The following MRC2 variants were observed in gnomAD, a reference collection of about 807,000 sequenced individuals.
MRC2 encodes C-type mannose receptor 2.
In MRC2, 84 loss-of-function variants were observed where a neutral mutation model predicts 206.2. That is an observed-to-expected ratio of 0.41 (90% CI 0.34 to 0.49). The LOEUF (loss-of-function observed/expected upper bound fraction) is 0.49. Ranked by LOEUF, MRC2 falls within the 20% of genes least tolerant of loss-of-function variation. The pLI, the probability that MRC2 is intolerant of heterozygous loss-of-function variation, is 0.31. For missense variants in MRC2, 1,676 were observed against 2,001.5 expected (o/e 0.84, Z 3.10); for synonymous variants, 798 against 800.0 (o/e 1.00, Z 0.04).
At chr17:62,651,391 CTT>C (rs1256075514) in intron 1 of MRC2, among the ~76,000 whole-genome samples, 1 of 151,248 alleles carries the variant, frequency 6.6e-6, no homozygotes, top group East Asian at 2.0e-4. Flanking sequence ...CGACAAACAT[CTT>C]TCACAAGCTC....
At position 62,692,767 on chromosome 17, in the gene MRC2, GC is replaced by G; in HGVS notation, c.*321del. On this transcript the variant is annotated 3_prime_UTR_variant, in exon 30 of 30. Transcript: ENST00000303375. This position sits in a 1 kb window ranked among gnomAD's most constrained non-coding sequence, Gnocchi z 4.2. ...GAACGAGAGCCTCTTTCTCCCCAGA[GC>G]CCCCGGCCCAGGCCTGTTGATCCGC... 1.5e-5 allele frequency: 5 copies of G among 333,620 alleles called. No individual in the cohort carries two copies. The highest frequency in any genetic ancestry group is 7.1e-5 in the South Asian group (2 of 28,338). 20.7% of individuals were successfully genotyped at this position (333,620 alleles called of 1,614,324 possible). A position where few individuals can be genotyped will look rare whatever the true frequency, so the allele number is the denominator to read the frequency against.
intron 1 of MRC2, among the ~76,000 whole-genome samples, chr17:62,640,558 TGCAC>T (rs1382281859): frequency 6.6e-6 from 1 of 152,136 alleles, no homozygotes; most frequent in Non-Finnish European, 1.5e-5. Context: ...CTCGCTCTGT[TGCAC>T]AAGCTGGAAT....
intron 20 of MRC2, among the ~76,000 whole-genome samples, chr17:62,686,143 G>C (rs1331656048): frequency 6.6e-6 from 1 of 152,104 alleles, no homozygotes; most frequent in Non-Finnish European, 1.5e-5. Flanking sequence ...TGCAATTCAC[G>C]GTAGGGTTCG....
chr17:62,678,779 TCTG>T, intron 13 of MRC2, 133 bp downstream of exon 13: 1 of 1,302,146 alleles, frequency 7.7e-7, no homozygotes, highest in Non-Finnish European at 1.1e-6. Context: ...GAGGCCTGCA[TCTG>T]CTGCTGGTGC....
intron 20 of MRC2, among the ~76,000 whole-genome samples, chr17:62,685,165 C>CA (rs1261928797): frequency 0.012 from 308 of 25,422 alleles, 2 homozygotes; most frequent in African/African-American, 0.016. Flanking sequence ...ACAAAAACCA[C>CA]ACAAAAAAAA....
Position 62,682,272 on chromosome 17 carries a change from C to T in MRC2, c.2841C>T (p.Pro947=), listed in dbSNP as rs1402254559. The part of the protein sequence containing the change: ...WGDQRCLTAL[P]YICKRSNVTK... Reference sequence around the variant, plus strand: ...ACCAGAGGTGCCTGACAGCCTTGCCCTACATCTGCAAGCGCAGCAACGTCA... The same window carrying T: ...ACCAGAGGTGCCTGACAGCCTTGCCTTACATCTGCAAGCGCAGCAACGTCA... Residue 947 remains proline (P), a synonymous_variant, in exon 20 of 30, where the codon CCC becomes CCT. Coordinates refer to ENST00000303375, the MANE Select transcript of MRC2 (RefSeq NM_006039.5). The T allele has an allele frequency of 6.2e-7, 1 of 1,603,332 alleles. No homozygotes were observed.
chr17:62,656,107 T>C (rs2088616350), intron 1 of MRC2, among the ~76,000 whole-genome samples: 3 of 152,112 alleles, frequency 2.0e-5, no homozygotes, highest in African/African-American at 7.2e-5. Context: ...AGTACAGTGG[T>C]GCAATCTCAG....
At chr17:62,654,195 C>T (rs963429570) in intron 1 of MRC2, among the ~76,000 whole-genome samples, 2 of 152,050 alleles carry the variant, frequency 1.3e-5, no homozygotes, top group Non-Finnish European at 2.9e-5. Context: ...TGGAGGCCAC[C>T]CTGCCATGCC....
intron 2 of MRC2, among the ~76,000 whole-genome samples, chr17:62,665,543 A>G (rs776602933): frequency 2.6e-5 from 4 of 152,226 alleles, no homozygotes; most frequent in Non-Finnish European, 4.4e-5. Context: ...ATAAAATTAA[A>G]TGAAAATTCC....
At chr17:62,683,209 C>T (rs2088991369) in intron 20 of MRC2, among the ~76,000 whole-genome samples, 1 of 152,006 alleles carries the variant, frequency 6.6e-6, no homozygotes, top group South Asian at 2.1e-4. Flanking sequence ...TGGGTCATGC[C>T]TGTAATCCCA....
At chr17:62,673,657 C>A (rs373018708) in intron 8 of MRC2, among the ~76,000 whole-genome samples, 3 of 151,924 alleles carry the variant, frequency 2.0e-5, no homozygotes, top group Admixed American at 6.6e-5. Flanking sequence ...TACAGGCATG[C>A]ACCACCACAA....
rs138715664 is a variant in MRC2, at chr17:62,671,678, G to C, written c.1147G>C (p.Glu383Gln). 4 of 1,601,518 alleles carry C rather than the reference G, an allele frequency of 2.5e-6. No homozygotes were observed. The South Asian group carries it at 3.4e-5, about 14-fold the overall frequency. Residue 383 changes from glutamate to glutamine, a missense_variant, in exon 7 of 30, where the codon GAG becomes CAG. Physicochemically the swap from Glu to Gln is conservative, Grantham distance 29. This residue lies in a region of MRC2 where 1,354 missense variants were observed against 1,636.6 expected (regional missense o/e 0.83). Coordinates refer to ENST00000303375, the MANE Select transcript of MRC2 (RefSeq NM_006039.5). This position sits in a 1 kb window ranked among gnomAD's most constrained non-coding sequence, Gnocchi z 4.5. ...DRWANVKVEC[E>Q]PSWQPFQGHC... ...GTGGGCCAATGTGAAGGTGGAGTGC[G>C]AGCCGAGCTGGCAGCCCTTCCAGGG...
chr17:62,670,107 A>C (rs1598986306), intron 6 of MRC2, among the ~76,000 whole-genome samples: 2 of 152,298 alleles, frequency 1.3e-5, no homozygotes, highest in East Asian at 3.9e-4. Flanking sequence ...GGACCTGCAG[A>C]CAGATGTAAG....
intron 6 of MRC2, among the ~76,000 whole-genome samples, chr17:62,668,234 CCTGT>C: frequency 6.6e-6 from 1 of 151,920 alleles, no homozygotes; most frequent in Middle Eastern, 3.4e-3. Context: ...GTGATGCACG[CCTGT>C]CTACTAGGGA....
chr17:62,679,238 A>T (rs760638484), intron 13 of MRC2, among the ~76,000 whole-genome samples: 10 of 152,180 alleles, frequency 6.6e-5, no homozygotes, highest in Non-Finnish European at 1.3e-4. Context: ...CATTGAAATT[A>T]CATTATTTGT....
In MRC2 at chr17:62,691,059, A is replaced by C. The variant is rs769130812; in HGVS notation, c.4123A>C (p.Asn1375His). Reference sequence around the variant, plus strand: ...CAACAGCTGCTACTGGATTCAGAGCAACAGCGGGCTATGGCGCCCCGGCGC... The same window carrying C: ...CAACAGCTGCTACTGGATTCAGAGCCACAGCGGGCTATGGCGCCCCGGCGC... ...SHNSCYWIQSNSGLWRPGACT... is the reference protein window; with the variant it reads ...SHNSCYWIQSHSGLWRPGACT... Residue 1375 changes from asparagine to histidine, a missense_variant, in exon 28 of 30, where the codon AAC becomes CAC. By Grantham distance (68) the Asn-to-His change is moderately conservative. This residue lies in a region of MRC2 where 1,354 missense variants were observed against 1,636.6 expected (regional missense o/e 0.83). Transcript: ENST00000303375. 2 of 1,610,026 alleles carry C rather than the reference A, an allele frequency of 1.2e-6. No individual in the cohort carries two copies. The highest frequency in any genetic ancestry group is 3.4e-5 in the Admixed American group (2 of 59,072).
In MRC2 at chr17:62,690,262, G is replaced by A. The variant is rs996842129; in HGVS notation, c.3849G>A (p.Glu1283=). Residue 1283 remains glutamate (E), a synonymous_variant, in exon 26 of 30, where the codon GAG becomes GAA. Transcript: ENST00000303375. ...AGCACTGCTATTCTTTCCACATGGA[G>A]CTGCTGCTGGGCCACAAGGAGGCGC... ...FREHCYSFHM[E]LLLGHKEARQ... is the part of the protein sequence containing the mutation. 1.7e-5 allele frequency: 28 copies of A among 1,612,954 alleles called. No individual in the cohort carries two copies. Among genetic ancestry groups the A allele is most frequent in the Non-Finnish European group, 2.3e-5 (27 of 1,179,474 alleles).
intron 1 of MRC2, 132 bp downstream of exon 1, chr17:62,628,052 G>C: frequency 1.7e-6 from 1 of 585,426 alleles, no homozygotes; most frequent in Non-Finnish European, 2.6e-6. Context: ...TGTGTGACTG[G>C]GTTTTTAAAA....
At chr17:62,689,286 G>A in intron 23 of MRC2, 1 of 579,102 alleles carries the variant, frequency 1.7e-6, no homozygotes, top group Admixed American at 3.1e-5. Context: ...GGTGGCCTCT[G>A]CGCCGGGTTC....
Sources: gnomAD v4.1 joint callset for allele counts (sites outside exome capture counted in the v4.1 genomes callset) on GRCh38, gnomAD v4.1.1 for gene constraint, gnomAD v4.1.1 regional missense constraint, Gnocchi (gnomAD v3.1) non-coding constraint, MANE v1.5 for transcripts, NCBI Gene and HGNC (gene_info 2026-07-23, HGNC 2026-07-21) for gene names.